The following GRID2 variants were observed in gnomAD, a reference collection of about 807,000 sequenced individuals.
The protein encoded by GRID2 is glutamate receptor ionotropic, delta-2.
In GRID2, 33 loss-of-function variants were observed where a neutral mutation model predicts 114.8. The observed-to-expected ratio is 0.29, with a 90% confidence interval of 0.22 to 0.38. The LOEUF (loss-of-function observed/expected upper bound fraction) is 0.38, where lower values mean the gene tolerates loss of function less well. Ranked by LOEUF, GRID2 falls within the 10% of genes least tolerant of loss-of-function variation. The pLI, the probability that GRID2 is intolerant of heterozygous loss-of-function variation, is 1.00. For synonymous variants in GRID2, 505 were observed against 449.9 expected, an observed-to-expected ratio of 1.12 and a Z score of -1.55; for missense variants, 1,184 against 1,257.7, an observed-to-expected ratio of 0.94 and a Z score of 0.89.
intron 13 of GRID2, among the ~76,000 whole-genome samples, chr4:93,613,959 G>T (rs1741285085): frequency 2.0e-5 from 3 of 151,812 alleles, no homozygotes; most frequent in African/African-American, 7.2e-5. Context: ...CTAGCAATCA[G>T]CGAGATTCCG....
intron 13 of GRID2, among the ~76,000 whole-genome samples, chr4:93,529,606 C>G (rs1731250938): frequency 6.6e-6 from 1 of 152,144 alleles, no homozygotes; most frequent in Non-Finnish European, 1.5e-5. Context: ...GATTTAGGAA[C>G]CCAGGGCTTC....
chr4:92,449,366 T>C (rs1044086862), intron 1 of GRID2, among the ~76,000 whole-genome samples: 1 of 152,064 alleles, frequency 6.6e-6, no homozygotes, highest in African/African-American at 2.4e-5. Flanking sequence ...TCATCTTTTA[T>C]AGTTTGTATA....
intron 2 of GRID2, among the ~76,000 whole-genome samples, chr4:92,596,391 C>A (rs1453858708): frequency 6.6e-6 from 1 of 152,034 alleles, no homozygotes; most frequent in Non-Finnish European, 1.5e-5. Flanking sequence ...GTGGAAGGAG[C>A]AAATCGTGTT....
At chr4:93,316,141 T>C (rs1196805052) in intron 8 of GRID2, among the ~76,000 whole-genome samples, 1 of 151,544 alleles carries the variant, frequency 6.6e-6, no homozygotes, top group Non-Finnish European at 1.5e-5. Flanking sequence ...AAGAACATAG[T>C]TGGGGAAAAT....
intron 14 of GRID2, among the ~76,000 whole-genome samples, chr4:93,655,021 T>C (rs76368046): frequency 0.011 from 1,700 of 152,290 alleles, 39 homozygotes; most frequent in African/African-American, 0.039. Flanking sequence ...TGAAAAGACC[T>C]GTGCCCCATT....
rs535128173 is a variant in GRID2, at chr4:93,649,109, A to G, written c.2360+22674A>G. 3.3e-4 allele frequency among the ~76,000 whole-genome samples: 51 copies of G among 152,254 alleles called. 2 individuals are homozygous for G. In the South Asian group the frequency reaches 0.01, roughly 30 times the overall value. ...TTTCCTTTCTTCTACTTGATCAACC[A>G]TGATATCATCTTCAACAACCAAAAT... On this transcript the variant is annotated intron_variant, in intron 14 of 15. Transcript: ENST00000282020.
chr4:93,558,077 C>T (rs1386501918), intron 13 of GRID2, among the ~76,000 whole-genome samples: 2 of 152,168 alleles, frequency 1.3e-5, no homozygotes, highest in Non-Finnish European at 2.9e-5. Flanking sequence ...ACGTAGGACA[C>T]AGCTAAAGCA....
rs565643935 is a variant in GRID2, at chr4:92,714,576, C to T, written c.244+124290C>T. ...AGAGCCTTATGCCTGCCACAAACTTCTGCCTAGACATCTAGGCATTTCCAT... is the reference window on the plus strand; with the variant it reads ...AGAGCCTTATGCCTGCCACAAACTTTTGCCTAGACATCTAGGCATTTCCAT... On this transcript the variant is annotated intron_variant, in intron 2 of 15. Coordinates refer to ENST00000282020, the MANE Select transcript of GRID2 (RefSeq NM_001510.4). 2.6e-5 allele frequency among the ~76,000 whole-genome samples: 4 copies of T among 152,350 alleles called. No individual in the cohort carries two copies. In the South Asian group the frequency reaches 6.2e-4, roughly 24 times the overall value.
intron 13 of GRID2, among the ~76,000 whole-genome samples, chr4:93,566,641 G>A (rs540787700): frequency 6.6e-5 from 10 of 152,110 alleles, no homozygotes; most frequent in South Asian, 2.1e-4. Context: ...ATAGTGGTGC[G>A]CAGCTATAAT....
At chr4:92,969,444 G>C (rs962430902) in intron 2 of GRID2, among the ~76,000 whole-genome samples, 1 of 151,380 alleles carries the variant, frequency 6.6e-6, no homozygotes, top group African/African-American at 2.4e-5. Flanking sequence ...AGAATGTTTT[G>C]GGGATCCATG....
chr4:93,728,110 C>T (rs1458729064), intron 14 of GRID2, among the ~76,000 whole-genome samples: 2 of 152,124 alleles, frequency 1.3e-5, no homozygotes, highest in African/African-American at 2.4e-5. Context: ...CCTGCTTTCT[C>T]TTGTGGGCAT....
chr4:93,158,881 T>G (rs1737415887), intron 4 of GRID2, among the ~76,000 whole-genome samples: 1 of 151,704 alleles, frequency 6.6e-6, no homozygotes, highest in Non-Finnish European at 1.5e-5. Flanking sequence ...GTGCTGAAGA[T>G]AACAGTGCTA....
chr4:93,648,898 C>T (rs2149718462), intron 14 of GRID2, among the ~76,000 whole-genome samples: 1 of 152,152 alleles, frequency 6.6e-6, no homozygotes, highest in Middle Eastern at 3.4e-3. Context: ...TGCTACTACT[C>T]TACATTATTT....
chr4:93,661,277 T>C (rs935969993), intron 14 of GRID2, among the ~76,000 whole-genome samples: 4 of 152,218 alleles, frequency 2.6e-5, no homozygotes, highest in Non-Finnish European at 5.9e-5. Context: ...TGCTTAAGTT[T>C]CCAGCTGAGG....
At chr4:93,104,758 T>C (rs1334567862) in intron 3 of GRID2, among the ~76,000 whole-genome samples, 3 of 152,166 alleles carry the variant, frequency 2.0e-5, no homozygotes, top group African/African-American at 4.8e-5. Flanking sequence ...AATAGTGCCG[T>C]GATAAACATA....
Position 93,455,827 on chromosome 4 carries a change from G to A in GRID2, c.1711G>A (p.Ala571Thr), listed in dbSNP as rs1227489087. ...TGCACCATTTGATCTCTCTCTATGG[G>A]CTTGCATTGCTGGCACAGTCCTTCT... ...CLAPFDLSLW[A>T]CIAGTVLLVG... Residue 571 changes from alanine to threonine, a missense_variant, in exon 11 of 16, where the codon GCT becomes ACT. This residue lies in a region of GRID2 where 717 missense variants were observed against 796.9 expected (regional missense o/e 0.90). Transcript: ENST00000282020. 3.1e-6 allele frequency: 5 copies of A among 1,613,374 alleles called. No homozygotes were observed. Among genetic ancestry groups the A allele is most frequent in the Non-Finnish European group, 4.2e-6 (5 of 1,179,434 alleles).
intron 2 of GRID2, among the ~76,000 whole-genome samples, chr4:92,917,448 T>C (rs1185938204): frequency 6.6e-6 from 1 of 152,230 alleles, no homozygotes; most frequent in African/African-American, 2.4e-5. Flanking sequence ...GTCTGTGTCC[T>C]GAATGGTATT....
chr4:93,033,944 T>C (rs751563725), intron 2 of GRID2, among the ~76,000 whole-genome samples: 6 of 152,154 alleles, frequency 3.9e-5, no homozygotes, highest in Non-Finnish European at 7.3e-5. Flanking sequence ...GAAAAACACA[T>C]AGTCATAGAA....
chr4:92,535,613 C>A (rs145980830), intron 1 of GRID2, among the ~76,000 whole-genome samples: 2 of 152,058 alleles, frequency 1.3e-5, no homozygotes, highest in African/African-American at 4.8e-5. Context: ...TACCAAGAGA[C>A]AAGCTAAAAA....
Sources: allele counts gnomAD v4.1 joint callset (sites outside exome capture counted in the v4.1 genomes callset), GRCh38; gene constraint gnomAD v4.1.1; regional missense constraint gnomAD v4.1.1; transcripts MANE v1.5; gene names NCBI Gene and HGNC (gene_info 2026-07-23, HGNC 2026-07-21).